Variants in TPP2 observed in about 807,000 individuals in gnomAD.
TPP2 encodes the protein tripeptidyl peptidase 2.
A neutral mutation model predicts 155.9 loss-of-function variants in TPP2; 34 were observed. The ratio of observed to expected loss-of-function variants is 0.22; its 90% CI spans 0.17 to 0.29. The LOEUF (loss-of-function observed/expected upper bound fraction) is 0.29, where lower values mean the gene tolerates loss of function less well. TPP2 is among the 10% of genes least tolerant of loss of function. TPP2 has a pLI of 1.00. For missense variants in TPP2, 1,028 were observed against 1,522.3 expected, an observed-to-expected ratio of 0.68 and a Z score of 5.40; for synonymous variants, 510 against 529.4, an observed-to-expected ratio of 0.96 and a Z score of 0.50.
chr13:102,660,432 G>T (rs1021064528), intron 25 of TPP2, among the ~76,000 whole-genome samples: 1 of 112,902 alleles, frequency 8.9e-6, no homozygotes, highest in Non-Finnish European at 1.9e-5. Flanking sequence ...GTAGGAACAT[G>T]TTTAACAAGA....
intron 5 of TPP2, among the ~76,000 whole-genome samples, chr13:102,621,128 T>C (rs921035260): frequency 1.3e-5 from 2 of 152,222 alleles, no homozygotes; most frequent in East Asian, 3.9e-4. Flanking sequence ...TGTCGTGTTA[T>C]TTAGAGAAGT....
At chr13:102,657,634 A>T (rs934853790) in intron 25 of TPP2, among the ~76,000 whole-genome samples, 2 of 151,986 alleles carry the variant, frequency 1.3e-5, no homozygotes, top group African/African-American at 4.8e-5. Flanking sequence ...ACTATTTTTA[A>T]TGTCTGTGTT....
In TPP2 at chr13:102,651,343, T is replaced by C. The variant is rs1408322050; in HGVS notation, c.2953-16T>C. On this transcript the variant is annotated splice_polypyrimidine_tract_variant and intron_variant, in intron 23 of 29. Transcript: ENST00000376052. ...ATTATGCATGTTTTCTTACAGAATG[T>C]CGTTCTAACTCCCAGGGGCAGTCTG... 1.0e-5 allele frequency: 16 copies of C among 1,573,242 alleles called. No homozygotes were observed. The highest frequency in any genetic ancestry group is 1.3e-5 in the Non-Finnish European group (15 of 1,158,482).
At chr13:102,640,719 C>T (rs112997300) in intron 16 of TPP2, among the ~76,000 whole-genome samples, 15,327 of 138,838 alleles carry the variant, frequency 0.11, 1,270 homozygotes, top group African/African-American at 0.24. Context: ...GGCATGATCT[C>T]GGCTCACTGC....
At chr13:102,677,640 T>C (rs1049694676) in intron 29 of TPP2, among the ~76,000 whole-genome samples, 3 of 152,202 alleles carry the variant, frequency 2.0e-5, no homozygotes, top group Non-Finnish European at 4.4e-5. Flanking sequence ...GGAATGTCTT[T>C]CCCAGATTTT....
chr13:102,677,390 C>G (rs1283585673), intron 29 of TPP2, among the ~76,000 whole-genome samples: 1 of 151,952 alleles, frequency 6.6e-6, no homozygotes, highest in Non-Finnish European at 1.5e-5. Context: ...GCTGCCTGTT[C>G]TCCACACAGC....
intron 25 of TPP2, among the ~76,000 whole-genome samples, chr13:102,661,740 T>C (rs1021673477): frequency 6.6e-6 from 1 of 152,100 alleles, no homozygotes; most frequent in Non-Finnish European, 1.5e-5. Flanking sequence ...AACTTCACAC[T>C]TACTAGGATG....
chr13:102,673,595 G>A (rs762443070), intron 27 of TPP2, among the ~76,000 whole-genome samples: 1 of 152,192 alleles, frequency 6.6e-6, no homozygotes, highest in Non-Finnish European at 1.5e-5. Flanking sequence ...AAAGATGTCT[G>A]CCCTGGATCA....
intron 1 of TPP2, among the ~76,000 whole-genome samples, chr13:102,603,249 G>A (rs1033942790): frequency 7.2e-5 from 11 of 152,168 alleles, no homozygotes; most frequent in Non-Finnish European, 8.8e-5. Context: ...GTATATGTAT[G>A]TTCGTGAATA....
intron 8 of TPP2, 24 bp downstream of exon 8, chr13:102,627,948 T>G: frequency 6.3e-7 from 1 of 1,589,638 alleles, no homozygotes; most frequent in Non-Finnish European, 8.6e-7. Flanking sequence ...GACAGTTGTT[T>G]AGCCATAGAA....
At chr13:102,609,136 T>C (rs1388822521) in intron 2 of TPP2, among the ~76,000 whole-genome samples, 1 of 152,206 alleles carries the variant, frequency 6.6e-6, no homozygotes, top group Non-Finnish European at 1.5e-5. Flanking sequence ...CCTGGAGTGA[T>C]GTCATGCAGA....
intron 28 of TPP2, 145 bp from the exon 29 acceptor site, chr13:102,676,151 T>C: frequency 1.4e-6 from 1 of 728,652 alleles, no homozygotes; most frequent in Non-Finnish European, 2.0e-6. Context: ...CAATTTTCTT[T>C]TTCAAAGTTT....
chr13:102,605,013 A>G, intron 2 of TPP2, 92 bp downstream of exon 2: 2 of 1,548,152 alleles, frequency 1.3e-6, no homozygotes, highest in Non-Finnish European at 1.8e-6. Flanking sequence ...TGGTGGTATT[A>G]GTTATCCATT....
intron 24 of TPP2, chr13:102,654,792 G>A (rs1332533434): frequency 1.5e-5 from 5 of 335,040 alleles, no homozygotes; most frequent in Non-Finnish European, 3.0e-5. Context: ...TAGATGTGTT[G>A]TCTTTGCTGT....
At chr13:102,670,685 T>C (rs1884916054) in intron 27 of TPP2, among the ~76,000 whole-genome samples, 1 of 152,192 alleles carries the variant, frequency 6.6e-6, no homozygotes, top group Non-Finnish European at 1.5e-5. Context: ...TATTGCCCTT[T>C]AGGATAGAAA....
chr13:102,673,906 C>T (rs562618497), intron 27 of TPP2, among the ~76,000 whole-genome samples: 1 of 152,258 alleles, frequency 6.6e-6, no homozygotes, highest in South Asian at 2.1e-4. Flanking sequence ...TCTGGGTATA[C>T]ACATAGACAA....
At chr13:102,644,422 G>T in intron 17 of TPP2, 135 bp from the exon 18 acceptor site, 1 of 651,688 alleles carries the variant, frequency 1.5e-6, no homozygotes, top group Non-Finnish European at 2.6e-6. Flanking sequence ...TAGCATAGCT[G>T]TTAAAATTTT....
chr13:102,609,295 G>C (rs570318150), intron 2 of TPP2, among the ~76,000 whole-genome samples: 2 of 81,632 alleles, frequency 2.5e-5, no homozygotes, highest in Non-Finnish European at 4.8e-5. Context: ...GGAGTCCCAG[G>C]AAACTTACAA....
At chr13:102,614,436 T>G (rs1274570089) in intron 3 of TPP2, among the ~76,000 whole-genome samples, 1 of 152,224 alleles carries the variant, frequency 6.6e-6, no homozygotes, top group African/African-American at 2.4e-5. Flanking sequence ...GTGAATACAC[T>G]GAAATTATAT....
Sources: allele counts gnomAD v4.1 joint callset (sites outside exome capture counted in the v4.1 genomes callset), GRCh38; gene constraint gnomAD v4.1.1; transcripts MANE v1.5; gene names NCBI Gene and HGNC (gene_info 2026-07-23, HGNC 2026-07-21).